Variants in PPP1R9A observed in about 807,000 individuals in gnomAD.
PPP1R9A encodes neurabin-1.
A neutral mutation model predicts 141.9 loss-of-function variants in PPP1R9A; 59 were observed. That is an observed-to-expected ratio of 0.42 (90% CI 0.34 to 0.52). The LOEUF (loss-of-function observed/expected upper bound fraction) is 0.52, where lower values mean the gene tolerates loss of function less well. Among genes scored for constraint, PPP1R9A ranks in the 20% least tolerant of loss-of-function variants. The pLI is 0.10. For missense variants in PPP1R9A, 1,444 were observed against 1,611.9 expected (o/e 0.90, Z 1.78); for synonymous variants, 500 against 569.7 (o/e 0.88, Z 1.74).
chr7:95,144,109 TATAAC>T (rs1381895399), intron 4 of PPP1R9A, among the ~76,000 whole-genome samples: 5 of 152,098 alleles, frequency 3.3e-5, no homozygotes, highest in African/African-American at 1.2e-4. Flanking sequence ...TTATTCATCT[TATAAC>T]AGAAAGTTTC....
At chr7:95,074,232 T>C (rs1814468391) in intron 2 of PPP1R9A, among the ~76,000 whole-genome samples, 1 of 152,160 alleles carries the variant, frequency 6.6e-6, no homozygotes, top group African/African-American at 2.4e-5. Context: ...CGTTACCTTT[T>C]TATGTAAGAG....
chr7:94,907,915 C>T (rs1315321540), intron 1 of PPP1R9A: 2 of 147,438 alleles, frequency 1.4e-5, no homozygotes, highest in Non-Finnish European at 3.0e-5. Flanking sequence ...GCGCGCCTCC[C>T]GGGGCCGCCC....
intron 17 of PPP1R9A, among the ~76,000 whole-genome samples, chr7:95,284,973 C>T (rs1563562872): frequency 1.3e-5 from 2 of 152,160 alleles, no homozygotes; most frequent in Admixed American, 6.5e-5. Flanking sequence ...GAATTTAATT[C>T]TTTTCAGTTT....
intron 7 of PPP1R9A, among the ~76,000 whole-genome samples, chr7:95,205,406 A>T (rs761509208): frequency 6.6e-6 from 1 of 152,262 alleles, no homozygotes; most frequent in Admixed American, 6.5e-5. Context: ...GAACAATTCA[A>T]TATTACAATG....
intron 2 of PPP1R9A, among the ~76,000 whole-genome samples, chr7:94,963,716 A>G (rs1797896290): frequency 6.6e-6 from 1 of 152,012 alleles, no homozygotes; most frequent in African/African-American, 2.4e-5. Flanking sequence ...TGGATTTTTG[A>G]TTTTTTGAAG....
intron 5 of PPP1R9A, among the ~76,000 whole-genome samples, chr7:95,197,683 C>G (rs963438390): frequency 3.3e-5 from 5 of 152,168 alleles, no homozygotes; most frequent in African/African-American, 1.2e-4. Context: ...GACAGAGTCT[C>G]TGTCACCCAG....
chr7:95,147,210 C>G (rs753971515), intron 4 of PPP1R9A, among the ~76,000 whole-genome samples: 3 of 152,178 alleles, frequency 2.0e-5, no homozygotes, highest in Non-Finnish European at 4.4e-5. Flanking sequence ...AGGTCCTCCA[C>G]ATCGCTTGTA....
At chr7:95,204,147 T>C (rs749950851) in intron 7 of PPP1R9A, among the ~76,000 whole-genome samples, 10 of 152,242 alleles carry the variant, frequency 6.6e-5, no homozygotes, top group Non-Finnish European at 1.5e-4. Context: ...TCTTGATTTC[T>C]CAAAACACTA....
At chr7:95,283,793 T>C (rs966730529) in intron 16 of PPP1R9A, among the ~76,000 whole-genome samples, 5 of 152,180 alleles carry the variant, frequency 3.3e-5, no homozygotes, top group African/African-American at 1.2e-4. Context: ...AAATTCACCA[T>C]GGCAATAGCA....
chr7:95,151,256 A>C (rs1828614877), intron 4 of PPP1R9A, among the ~76,000 whole-genome samples: 1 of 152,252 alleles, frequency 6.6e-6, no homozygotes, highest in African/African-American at 2.4e-5. Flanking sequence ...GAATGTAAAA[A>C]GTGTGGTAGA....
intron 2 of PPP1R9A, among the ~76,000 whole-genome samples, chr7:94,968,776 C>T (rs1584439824): frequency 6.6e-6 from 1 of 152,126 alleles, no homozygotes; most frequent in East Asian, 1.9e-4. Context: ...TTCAGGTACA[C>T]TAATCAAATG....
At chr7:95,201,757 G>T (rs1290832848) in intron 6 of PPP1R9A, among the ~76,000 whole-genome samples, 2 of 152,028 alleles carry the variant, frequency 1.3e-5, no homozygotes, top group Non-Finnish European at 2.9e-5. Context: ...CAGTCACTTG[G>T]TTTTTTTACT....
intron 8 of PPP1R9A, among the ~76,000 whole-genome samples, chr7:95,245,002 G>A (rs1392108545): frequency 2.0e-5 from 3 of 152,158 alleles, no homozygotes; most frequent in Admixed American, 1.3e-4. Context: ...AATTCAAGCA[G>A]TCTAAGTTAA....
intron 8 of PPP1R9A, among the ~76,000 whole-genome samples, chr7:95,232,852 TAA>T (rs374845347): frequency 5.4e-4 from 82 of 152,182 alleles, no homozygotes; most frequent in African/African-American, 1.8e-3. Flanking sequence ...TGACAATCAT[TAA>T]AAAGTCAGGA....
intron 2 of PPP1R9A, among the ~76,000 whole-genome samples, chr7:94,913,636 A>T (rs138519694): frequency 6.6e-6 from 1 of 152,274 alleles, no homozygotes; most frequent in African/African-American, 2.4e-5. Flanking sequence ...TAAATATGCA[A>T]GTGGATTCAC....
At chr7:94,924,585 G>A (rs750347977) in intron 2 of PPP1R9A, among the ~76,000 whole-genome samples, 1 of 152,158 alleles carries the variant, frequency 6.6e-6, no homozygotes, top group Non-Finnish European at 1.5e-5. Flanking sequence ...CTGGAGTGCT[G>A]TGGTGTGATC....
At chr7:94,997,523 TA>T (rs1802349037) in intron 2 of PPP1R9A, among the ~76,000 whole-genome samples, 1 of 152,188 alleles carries the variant, frequency 6.6e-6, no homozygotes, top group African/African-American at 2.4e-5. Context: ...GCTCTCCTAC[TA>T]AGATGTAACA....
chr7:95,132,390 A>AT (rs1419586193), intron 4 of PPP1R9A, among the ~76,000 whole-genome samples: 1 of 152,208 alleles, frequency 6.6e-6, no homozygotes, highest in East Asian at 1.9e-4. Flanking sequence ...GGTTTTCATC[A>AT]TGAAGCAATA....
At chr7:95,249,273 T>G (rs2153002887) in intron 9 of PPP1R9A, among the ~76,000 whole-genome samples, 1 of 152,292 alleles carries the variant, frequency 6.6e-6, no homozygotes, top group African/African-American at 2.4e-5. Context: ...TTATAAAGCT[T>G]GAGAAATTCA....
Sources: gnomAD v4.1 joint callset for allele counts (sites outside exome capture counted in the v4.1 genomes callset) on GRCh38, gnomAD v4.1.1 for gene constraint, MANE v1.5 for transcripts, NCBI Gene and HGNC (gene_info 2026-07-23, HGNC 2026-07-21) for gene names.